PCDHA4: variants seen among roughly 807,000 people sequenced by gnomAD.
PCDHA4 encodes protocadherin alpha-4.
Under a neutral mutation model 61.4 loss-of-function variants are expected in PCDHA4, and 49 were observed. The observed-to-expected ratio is 0.80, with a 90% CI of 0.63 to 1.01. The LOEUF (loss-of-function observed/expected upper bound fraction) is 1.01, where lower values mean the gene tolerates loss of function less well. Among genes scored for constraint, PCDHA4 ranks in the 50% least tolerant of loss-of-function variants. The pLI is 0.00. For synonymous variants in PCDHA4, 590 were observed against 550.3 expected (o/e 1.07, Z -1.01); for missense variants, 1,254 against 1,235.8 (o/e 1.01, Z -0.22).
chr5:140,817,496 T>C (rs2150047140), intron 1 of PCDHA4: 1 of 152,366 alleles, frequency 6.6e-6, no homozygotes, highest in African/African-American at 2.4e-5. Context: ...AAGCTATATA[T>C]GCTTTTACAA....
intron 1 of PCDHA4, chr5:140,884,363 T>A (rs1444938392): frequency 6.2e-7 from 1 of 1,613,818 alleles, no homozygotes; most frequent in African/African-American, 1.3e-5. Context: ...TGTCAATGTT[T>A]ACTTGATCAT....
In PCDHA4 at chr5:140,809,117, C is replaced by T. The variant is rs142688560; in HGVS notation, c.1930C>T (p.Arg644Cys). The change falls in exon 1 of 4, where the codon CGC becomes TGC. Residue 644 changes from arginine (R) to cysteine (C), a missense_variant. Transcript: ENST00000530339. ...TRALDETDAP[R>C]HRLLVLVKDH... is the part of the protein sequence containing the mutation. ...TGCCCTGGACGAAACGGACGCTCCG[C>T]GCCACCGCCTACTGGTACTGGTGAA... The T allele has an allele frequency of 1.0e-3, 1,659 of 1,613,872 alleles. 4 individuals carry two copies. Among genetic ancestry groups the T allele is most frequent in the Non-Finnish European group, 1.3e-3 (1,582 of 1,179,952 alleles).
intron 1 of PCDHA4, among the ~76,000 whole-genome samples, chr5:140,894,823 A>G (rs933081275): frequency 2.0e-5 from 3 of 152,080 alleles, no homozygotes; most frequent in Non-Finnish European, 2.9e-5. Context: ...AGATTTGCCC[A>G]TAATCCTTTT....
At chr5:140,967,279 T>A in intron 1 of PCDHA4, 1 of 1,613,002 alleles carries the variant, frequency 6.2e-7, no homozygotes, top group Non-Finnish European at 8.5e-7. Context: ...ACATAGAGAG[T>A]GCGCAGGACC....
intron 1 of PCDHA4, chr5:140,862,681 G>T: frequency 1.8e-6 from 1 of 551,660 alleles, no homozygotes. Context: ...GAACGTGCTG[G>T]TGTCCTACTC....
rs151115812 is a variant in PCDHA4, at chr5:140,834,685, A to G, written c.2385+25113A>G. 2.2e-3 allele frequency: 3,569 copies of G among 1,614,218 alleles called. 59 individuals carry two copies. The African/African-American group carries it at 0.04, about 18-fold the overall frequency. The stretch of plus-strand genomic sequence containing the variant: ...GAGGAGCTGTGCGGGCGGAGCGCGG[A>G]GTGCAGCATCCACCTGGAGGTGATC... On this transcript the variant is annotated intron_variant, in intron 1 of 3. Coordinates refer to ENST00000530339, the MANE Select transcript of PCDHA4 (RefSeq NM_018907.4).
chr5:140,840,665 C>T (rs1298180893), intron 1 of PCDHA4, among the ~76,000 whole-genome samples: 2 of 151,998 alleles, frequency 1.3e-5, no homozygotes, highest in Non-Finnish European at 2.9e-5. Context: ...TATGCACATA[C>T]ATTTTTATTA....
intron 1 of PCDHA4, chr5:140,823,123 A>T: frequency 6.2e-7 from 1 of 1,614,012 alleles, no homozygotes; most frequent in Non-Finnish European, 8.5e-7. Flanking sequence ...CGTGAACGAC[A>T]ACGCTCCGGC....
At chr5:140,908,021 C>T (rs958070573) in intron 1 of PCDHA4, among the ~76,000 whole-genome samples, 28 of 152,314 alleles carry the variant, frequency 1.8e-4, no homozygotes, top group African/African-American at 6.7e-4. Flanking sequence ...TGGCTACAGC[C>T]CATTAATCAG....
intron 1 of PCDHA4, chr5:140,814,031 T>G (rs1554126362): frequency 6.5e-6 from 1 of 153,106 alleles, no homozygotes; most frequent in East Asian, 1.9e-4. Flanking sequence ...TAAATTAACC[T>G]TAGCTTACTG....
chr5:140,850,271 G>A, intron 1 of PCDHA4: 2 of 1,595,372 alleles, frequency 1.3e-6, no homozygotes, highest in Non-Finnish European at 1.7e-6. Context: ...TAGTGGTGGG[G>A]AAGGTGCGCG....
At chr5:140,958,946 ATAT>A (rs34256413) in intron 1 of PCDHA4, among the ~76,000 whole-genome samples, 85,222 of 151,486 alleles carry the variant, frequency 0.56, 24,557 homozygotes, top group African/African-American at 0.69. Flanking sequence ...TAATAATATT[ATAT>A]TATTATAATT....
rs138092357 is a variant in PCDHA4 at position 140,856,175 on chromosome 5, T to C, written c.2385+46603T>C. On this transcript the variant is annotated intron_variant, in intron 1 of 3. Transcript: ENST00000530339. The stretch of plus-strand genomic sequence containing the variant: ...CTACGAGGAGGCCAGACACGGCACC[T>C]TCGTGGGCCGCATCGCGCAGGACCT... The C allele has an allele frequency of 1.5e-4, 244 of 1,598,214 alleles. 13 individuals are homozygous for C. The African/African-American group carries it at 2.9e-3, about 19-fold the overall frequency.
intron 1 of PCDHA4, among the ~76,000 whole-genome samples, chr5:140,902,203 C>CTTTTTTTTTT (rs148688132): frequency 8.0e-6 from 1 of 124,460 alleles, no homozygotes; most frequent in Non-Finnish European, 1.7e-5. Flanking sequence ...CTCTCTCTTT[C>CTTTTTTTTTT]TTTTTTTTTT....
chr5:140,858,376 A>ACATC, intron 1 of PCDHA4: 1 of 1,587,998 alleles, frequency 6.3e-7, no homozygotes, highest in Non-Finnish European at 8.6e-7. Flanking sequence ...GCCTTCCACC[A>ACATC]TGCCCAATGG....
chr5:141,009,651 C>A lies in PCDHA4; in HGVS notation c.2558C>A (p.Pro853His). 1 of 1,613,950 alleles carries A rather than the reference C, an allele frequency of 6.2e-7. No individual in the cohort carries two copies. The highest frequency in any genetic ancestry group is 8.5e-7 in the Non-Finnish European group (1 of 1,179,936). Residue 853 changes from proline (P) to histidine (H), a missense_variant, in exon 4 of 4, where the codon CCT (proline) becomes CAT (histidine). By Grantham distance (77) the Pro-to-His change is moderately conservative. Coordinates refer to ENST00000530339, the MANE Select transcript of PCDHA4 (RefSeq NM_018907.4). Reference protein sequence around the residue: ...TPEPEAGEVSPPVGAGVNSNS... With the variant: ...TPEPEAGEVSHPVGAGVNSNS... ...GAACCAGAGGCAGGAGAAGTGTCCC[C>A]TCCAGTCGGTGCGGGTGTCAACAGC...
At chr5:140,970,156 T>C (rs933887683) in intron 1 of PCDHA4, among the ~76,000 whole-genome samples, 6 of 152,188 alleles carry the variant, frequency 3.9e-5, no homozygotes, top group African/African-American at 1.4e-4. Context: ...CTCCCAATAG[T>C]CACCTTTCTT....
intron 1 of PCDHA4, among the ~76,000 whole-genome samples, chr5:140,963,640 CT>C (rs1426012343): frequency 6.6e-6 from 1 of 152,164 alleles, no homozygotes; most frequent in African/African-American, 2.4e-5. Flanking sequence ...CGCATCTTCC[CT>C]ATCATGGTTG....
intron 1 of PCDHA4, among the ~76,000 whole-genome samples, chr5:140,955,549 C>T (rs1216178805): frequency 6.6e-6 from 1 of 152,140 alleles, no homozygotes; most frequent in Non-Finnish European, 1.5e-5. Context: ...TTCTTGAGGC[C>T]TCCCCAGCCA....
Sources: allele counts gnomAD v4.1 joint callset (sites outside exome capture counted in the v4.1 genomes callset), GRCh38; gene constraint gnomAD v4.1.1; transcripts MANE v1.5; gene names NCBI Gene and HGNC (gene_info 2026-07-23, HGNC 2026-07-21).